The following SRGAP3 variants were observed in gnomAD, a reference collection of about 807,000 sequenced individuals.
The protein encoded by SRGAP3 is SLIT-ROBO Rho GTPase-activating protein 3.
SRGAP3 carries 39 observed loss-of-function variants against 121.1 expected under a neutral mutation model. That is an observed-to-expected ratio of 0.32 (90% CI 0.25 to 0.42). SRGAP3 has a LOEUF of 0.42. Among genes scored for constraint, SRGAP3 ranks in the 10% least tolerant of loss-of-function variants. SRGAP3 has a pLI of 1.00. For missense variants in SRGAP3, 1,213 were observed against 1,470.6 expected, an observed-to-expected ratio of 0.82 and a Z score of 2.86; for synonymous variants, 601 against 570.0, an observed-to-expected ratio of 1.05 and a Z score of -0.77.
chr3:9,013,934 G>A (rs1943500387), intron 15 of SRGAP3, 92 bp from the exon 16 acceptor site: 4 of 1,155,290 alleles, frequency 3.5e-6, no homozygotes, highest in African/African-American at 3.0e-5. Flanking sequence ...ATCAACCCAC[G>A]TGGATGGGGG....
chr3:9,149,980 T>C (rs1323125273), intron 1 of SRGAP3, among the ~76,000 whole-genome samples: 1 of 152,116 alleles, frequency 6.6e-6, no homozygotes, highest in Non-Finnish European at 1.5e-5. Flanking sequence ...GTGCAGGTGC[T>C]GGGGAAACAG....
At chr3:9,145,178 C>T (rs1560260890) in intron 1 of SRGAP3, among the ~76,000 whole-genome samples, 1 of 152,138 alleles carries the variant, frequency 6.6e-6, no homozygotes, top group Non-Finnish European at 1.5e-5. Flanking sequence ...TCACTGCAAC[C>T]TCCACCTCCC....
chr3:9,223,831 T>C (rs1206026383), intron 1 of SRGAP3, among the ~76,000 whole-genome samples: 1 of 152,180 alleles, frequency 6.6e-6, no homozygotes, highest in Non-Finnish European at 1.5e-5. Context: ...GAAAAGTGCA[T>C]GACTGTAAGG....
chr3:9,180,785 A>G lies in SRGAP3; in HGVS notation c.68-55868T>C, dbSNP rs543312453. 4.6e-5 allele frequency among the ~76,000 whole-genome samples: 7 copies of G among 152,174 alleles called. No individual in the cohort carries two copies. In the South Asian group the frequency reaches 1.5e-3, roughly 32 times the overall value. The stretch of plus-strand genomic sequence containing the variant: ...GAGAGCAGATCCCAGTTCCCACTGT[A>G]GATCCTGAGTTGAACATGGCATCAG... On this transcript the variant is annotated intron_variant, in intron 1 of 21. Coordinates refer to ENST00000383836, the MANE Select transcript of SRGAP3 (RefSeq NM_014850.4).
intron 4 of SRGAP3, among the ~76,000 whole-genome samples, chr3:9,076,019 G>C (rs541557271): frequency 1.3e-5 from 2 of 152,288 alleles, no homozygotes; most frequent in African/African-American, 4.8e-5. Flanking sequence ...CAGGACTCTG[G>C]GCTTGGCTGT....
At chr3:9,100,029 G>A (rs1274574283) in intron 3 of SRGAP3, among the ~76,000 whole-genome samples, 1 of 152,198 alleles carries the variant, frequency 6.6e-6, no homozygotes, top group Non-Finnish European at 1.5e-5. Flanking sequence ...GTCCATGTGG[G>A]GCTGGTATAG....
chr3:9,178,018 A>G (rs1019974484), intron 1 of SRGAP3, among the ~76,000 whole-genome samples: 23 of 152,194 alleles, frequency 1.5e-4, no homozygotes, highest in African/African-American at 5.3e-4. Flanking sequence ...CTGTAATCCT[A>G]GCACTTTGGG....
chr3:9,133,671 G>A (rs936891258), intron 1 of SRGAP3, among the ~76,000 whole-genome samples: 1 of 152,082 alleles, frequency 6.6e-6, no homozygotes, highest in Non-Finnish European at 1.5e-5. Context: ...ATCATACACA[G>A]GCTTCATTCT....
chr3:9,108,430 C>A (rs924010238), intron 2 of SRGAP3, among the ~76,000 whole-genome samples: 3 of 152,040 alleles, frequency 2.0e-5, no homozygotes, highest in African/African-American at 7.2e-5. Flanking sequence ...CCAGCCTGGG[C>A]AACATAGCAA....
chr3:9,012,618 T>C lies in SRGAP3; in HGVS notation c.2147+690A>G, dbSNP rs540151257. ...GCAAAGAAACTGAGCTCACTTTGTC[T>C]GGAAAAGAGAACTCCTAGGTGAGAG... On this transcript the variant is annotated intron_variant, in intron 17 of 21. Coordinates refer to ENST00000383836, the MANE Select transcript of SRGAP3 (RefSeq NM_014850.4). Among the ~76,000 whole-genome samples, 87 of 152,280 alleles carry C rather than the reference T, an allele frequency of 5.7e-4. 1 individual carries two copies. Among genetic ancestry groups the C allele is most frequent in the South Asian group, 2.7e-3 (13 of 4,826 alleles).
intron 3 of SRGAP3, among the ~76,000 whole-genome samples, chr3:9,096,366 G>A (rs375796): frequency 0.3 from 45,915 of 151,928 alleles, 7,676 homozygotes; most frequent in South Asian, 0.38. Flanking sequence ...AATTATTCTC[G>A]TTTTCTAATG....
intron 1 of SRGAP3, among the ~76,000 whole-genome samples, chr3:9,151,798 C>T (rs114940966): frequency 0.01 from 1,555 of 152,128 alleles, 21 homozygotes; most frequent in African/African-American, 0.034. Context: ...AAGGGAGAGC[C>T]GAAGTAAGGA....
chr3:9,045,937 G>A (rs1945251040), intron 10 of SRGAP3, among the ~76,000 whole-genome samples: 1 of 151,904 alleles, frequency 6.6e-6, no homozygotes, highest in Non-Finnish European at 1.5e-5. Flanking sequence ...CACACCCTGA[G>A]CTCCACTCTT....
At chr3:9,168,158 C>G (rs1245812913) in intron 1 of SRGAP3, among the ~76,000 whole-genome samples, 1 of 152,310 alleles carries the variant, frequency 6.6e-6, no homozygotes, top group South Asian at 2.1e-4. Context: ...AGGAGTGCAA[C>G]GAAGTCAGAA....
intron 3 of SRGAP3, among the ~76,000 whole-genome samples, chr3:9,098,837 A>C (rs999609994): frequency 6.6e-6 from 1 of 152,186 alleles, no homozygotes; most frequent in African/African-American, 2.4e-5. Context: ...TTATTAAATG[A>C]GTTGGGAGTG....
intron 3 of SRGAP3, among the ~76,000 whole-genome samples, chr3:9,296,833 A>G (rs968931316): frequency 1.3e-5 from 2 of 152,156 alleles, no homozygotes; most frequent in African/African-American, 4.8e-5. Context: ...ATCATCCCCT[A>G]TTATGGAACC....
intron 3 of SRGAP3, among the ~76,000 whole-genome samples, chr3:9,320,247 AG>A: frequency 6.6e-6 from 1 of 151,934 alleles, no homozygotes. Flanking sequence ...CCAACAGAGA[AG>A]GAAGTAGGGC....
rs1276575827 is a variant in SRGAP3 at position 9,013,375 on chromosome 3, A to G, written c.2080T>C (p.Phe694Leu). The G allele has an allele frequency of 1.2e-6, 2 of 1,614,048 alleles. No homozygotes were observed. Among genetic ancestry groups the G allele is most frequent in the Admixed American group, 3.3e-5 (2 of 60,006 alleles). The change falls in exon 17 of 22, where the codon TTC becomes CTC. Residue 694 changes from phenylalanine (F) to leucine (L), a missense_variant. Phe to Leu is a conservative substitution (Grantham distance 22, BLOSUM62 0). Coordinates refer to ENST00000383836, the MANE Select transcript of SRGAP3 (RefSeq NM_014850.4). ...KTIIIHHEAI[F>L]PSPRELEGPV... ...CCCTCTAGCTCCCGGGGGCTGGGGA[A>G]GATGGCTTCATGATGGATGATGATG...
At chr3:8,994,180 A>G in intron 19 of SRGAP3, 163 bp downstream of exon 19, 2 of 933,854 alleles carry the variant, frequency 2.1e-6, no homozygotes, top group South Asian at 1.5e-5. Flanking sequence ...GTGGATCACC[A>G]TTTAAAGGGA....
Sources: allele counts gnomAD v4.1 joint callset (sites outside exome capture counted in the v4.1 genomes callset), GRCh38; gene constraint gnomAD v4.1.1; transcripts MANE v1.5; gene names NCBI Gene and HGNC (gene_info 2026-07-23, HGNC 2026-07-21).